The following CCSER1 variants were observed in gnomAD, a reference collection of about 807,000 sequenced individuals.
CCSER1 encodes the protein coiled-coil serine rich protein 1.
Under a neutral mutation model 82.0 loss-of-function variants are expected in CCSER1, and 41 were observed. That is an observed-to-expected ratio of 0.50 (90% CI 0.39 to 0.65). The LOEUF is 0.65. Ranked by LOEUF, CCSER1 falls within the 30% of genes least tolerant of loss-of-function variation. The probability of loss-of-function intolerance (pLI) is 0.00; values close to 1 mark genes in which losing one functional copy is unlikely to be tolerated. For missense variants in CCSER1, 1,119 were observed against 1,064.2 expected (o/e 1.05, Z -0.72); for synonymous variants, 414 against 383.9 (o/e 1.08, Z -0.92).
At chr4:90,760,593 A>G (rs1485298560) in intron 7 of CCSER1, among the ~76,000 whole-genome samples, 1 of 152,112 alleles carries the variant, frequency 6.6e-6, no homozygotes, top group Non-Finnish European at 1.5e-5. Flanking sequence ...CTAGTAAAAA[A>G]TTTCAGACTT....
chr4:90,227,244 G>C (rs1743341034), intron 1 of CCSER1, among the ~76,000 whole-genome samples: 1 of 152,164 alleles, frequency 6.6e-6, no homozygotes, highest in African/African-American at 2.4e-5. Context: ...TTTGCTTTTA[G>C]GTAGAGTTGG....
intron 9 of CCSER1, among the ~76,000 whole-genome samples, chr4:91,063,380 C>G (rs1042545484): frequency 6.6e-6 from 1 of 152,092 alleles, no homozygotes; most frequent in African/African-American, 2.4e-5. Flanking sequence ...ACGACACACA[C>G]TTAATAGAGA....
chr4:90,217,869 C>T (rs1007953330), intron 1 of CCSER1, among the ~76,000 whole-genome samples: 1 of 152,060 alleles, frequency 6.6e-6, no homozygotes, highest in Non-Finnish European at 1.5e-5. Context: ...GATCATGGCT[C>T]AGTGCAGCCT....
chr4:90,209,766 A>C (rs557829594), intron 1 of CCSER1, among the ~76,000 whole-genome samples: 1 of 145,930 alleles, frequency 6.9e-6, no homozygotes, highest in African/African-American at 2.5e-5. Context: ...CTGTTTGTCT[A>C]GTGTTTTTTT....
At position 91,008,831 on chromosome 4, in the gene CCSER1, G is replaced by A. The variant is rs142821386; in HGVS notation, c.2173-77119G>A. Among the ~76,000 whole-genome samples, 259 of 152,326 alleles carry A rather than the reference G, an allele frequency of 1.7e-3. 1 individual carries two copies. Among genetic ancestry groups the A allele is most frequent in the African/African-American group, 5.8e-3 (241 of 41,572 alleles). On this transcript the variant is annotated intron_variant, in intron 9 of 10. Transcript: ENST00000509176. ...TGCTTCCAAGATGGTGGCAAGCCTCGTGTTCTCTGACCTGGGGTTCTTGGC... is the reference window on the plus strand; with the variant it reads ...TGCTTCCAAGATGGTGGCAAGCCTCATGTTCTCTGACCTGGGGTTCTTGGC...
At chr4:91,054,134 G>T (rs1743235731) in intron 9 of CCSER1, among the ~76,000 whole-genome samples, 1 of 152,088 alleles carries the variant, frequency 6.6e-6, no homozygotes, top group South Asian at 2.1e-4. Context: ...GTAGGATGAG[G>T]GTCCTGGTCT....
chr4:90,987,696 T>C (rs993531551), intron 9 of CCSER1, among the ~76,000 whole-genome samples: 1 of 151,820 alleles, frequency 6.6e-6, no homozygotes, highest in African/African-American at 2.4e-5. Context: ...ATCTTTAGCA[T>C]TAGACTTAAA....
intron 1 of CCSER1, among the ~76,000 whole-genome samples, chr4:90,155,091 G>C (rs1352315505): frequency 3.3e-5 from 5 of 152,108 alleles, no homozygotes; most frequent in Non-Finnish European, 7.4e-5. Context: ...TAGCATGAAG[G>C]GTTGTTGAAT....
intron 10 of CCSER1, among the ~76,000 whole-genome samples, chr4:91,265,261 A>G (rs1047414909): frequency 3.4e-4 from 51 of 152,128 alleles, no homozygotes; most frequent in Non-Finnish European, 6.0e-4. Context: ...TTAATTAAAA[A>G]TTAAGCTCCT....
At chr4:90,145,388 C>T (rs1306452652) in intron 1 of CCSER1, among the ~76,000 whole-genome samples, 9 of 152,100 alleles carry the variant, frequency 5.9e-5, no homozygotes, top group Non-Finnish European at 1.5e-5. Flanking sequence ...TGTACTCCTG[C>T]CTGCTTTTTG....
intron 3 of CCSER1, among the ~76,000 whole-genome samples, chr4:90,396,025 G>A (rs1055955547): frequency 1.3e-5 from 2 of 152,064 alleles, no homozygotes; most frequent in Admixed American, 1.3e-4. Flanking sequence ...AGGTTGCAGT[G>A]AGCCAAGATC....
chr4:90,369,164 AG>A lies in CCSER1; in HGVS notation c.1510-30870del, dbSNP rs1561110877. 2.9e-3 allele frequency among the ~76,000 whole-genome samples: 427 copies of A among 149,620 alleles called. 7 individuals carry two copies. Among genetic ancestry groups the A allele is most frequent in the African/African-American group, 9.9e-3 (402 of 40,448 alleles). On this transcript the variant is annotated intron_variant, in intron 3 of 10. Coordinates refer to ENST00000509176, the MANE Select transcript of CCSER1 (RefSeq NM_001145065.2). The stretch of plus-strand genomic sequence containing the variant: ...TTGGAAAACAGGAAGGAAGGAGAGG[AG>A]GAGGAAAAGGAGAAGGACAAAGATT...
At chr4:90,381,761 G>A (rs966100031) in intron 3 of CCSER1, among the ~76,000 whole-genome samples, 6 of 152,042 alleles carry the variant, frequency 3.9e-5, no homozygotes, top group Admixed American at 3.9e-4. Flanking sequence ...ATGATTTACA[G>A]TAATATGAAT....
intron 5 of CCSER1, among the ~76,000 whole-genome samples, chr4:90,541,223 C>T (rs1188425499): frequency 2.0e-5 from 3 of 151,898 alleles, no homozygotes; most frequent in East Asian, 3.9e-4. Flanking sequence ...AGACAGAGAA[C>T]GACATGAGTA....
At chr4:90,815,307 G>A (rs1197091515) in intron 7 of CCSER1, among the ~76,000 whole-genome samples, 1 of 151,966 alleles carries the variant, frequency 6.6e-6, no homozygotes, top group Non-Finnish European at 1.5e-5. Context: ...CCACACGTGG[G>A]GATTACAATT....
Position 90,309,277 on chromosome 4 carries a change from C to T in CCSER1, c.993C>T (p.Ser331=). The T allele has an allele frequency of 2.5e-6, 4 of 1,613,862 alleles. No homozygotes were observed. The highest frequency in any genetic ancestry group is 1.1e-5 in the South Asian group (1 of 91,078). The part of the protein sequence containing the change: ...PGKYRLEGQC[S]TESNSLPETS... ...AATATAGGTTAGAGGGTCAATGTAGCACTGAATCTAATTCATTACCGGAAA... is the reference window on the plus strand; with the variant it reads ...AATATAGGTTAGAGGGTCAATGTAGTACTGAATCTAATTCATTACCGGAAA... Residue 331 remains serine, a synonymous_variant, in exon 2 of 11, where the codon AGC becomes AGT. Transcript: ENST00000509176.
intron 4 of CCSER1, among the ~76,000 whole-genome samples, chr4:90,435,228 A>G (rs1457236037): frequency 6.6e-6 from 1 of 152,172 alleles, no homozygotes; most frequent in Non-Finnish European, 1.5e-5. Context: ...TGTTTTTGTC[A>G]GAAAATTTTC....
intron 1 of CCSER1, among the ~76,000 whole-genome samples, chr4:90,139,819 G>C (rs140736390): frequency 2.0e-5 from 3 of 152,128 alleles, no homozygotes; most frequent in Non-Finnish European, 4.4e-5. Context: ...AATTAGCCAG[G>C]TGTGGTGGCA....
intron 9 of CCSER1, among the ~76,000 whole-genome samples, chr4:90,964,981 A>T (rs892832800): frequency 6.6e-6 from 1 of 151,922 alleles, no homozygotes; most frequent in African/African-American, 2.4e-5. Context: ...TCACCTTTGT[A>T]GCCACTAAGG....
Sources: gnomAD v4.1 joint callset for allele counts (sites outside exome capture counted in the v4.1 genomes callset) on GRCh38, gnomAD v4.1.1 for gene constraint, MANE v1.5 for transcripts, NCBI Gene and HGNC (gene_info 2026-07-23, HGNC 2026-07-21) for gene names.